NPIPB15: variants seen among roughly 807,000 people sequenced by gnomAD.
NPIPB15 encodes nuclear pore complex interacting protein family member B15.
Under a neutral mutation model 35.9 loss-of-function variants are expected in NPIPB15, and 5 were observed. The observed-to-expected ratio is 0.14, with a 90% CI of 0.07 to 0.29. The LOEUF (loss-of-function observed/expected upper bound fraction) is 0.29, where lower values mean the gene tolerates loss of function less well. NPIPB15 is among the 10% of genes least tolerant of loss of function. The pLI, the probability that NPIPB15 is intolerant of heterozygous loss-of-function variation, is 1.00. For synonymous variants in NPIPB15, 43 were observed against 182.0 expected, an observed-to-expected ratio of 0.24 and a Z score of 6.15; for missense variants, 100 against 506.1, an observed-to-expected ratio of 0.20 and a Z score of 7.70.
chr16:74,389,349 G>C (rs1428687428), intron 5 of NPIPB15, among the ~76,000 whole-genome samples: 1 of 150,750 alleles, frequency 6.6e-6, no homozygotes, highest in Non-Finnish European at 1.5e-5. Flanking sequence ...CAACAGTTTG[G>C]ATCAGACCGT....
chr16:74,388,951 G>T (rs1363997675), intron 5 of NPIPB15: 33 of 919,198 alleles, frequency 3.6e-5, no homozygotes, highest in East Asian at 1.2e-4. Flanking sequence ...GAGAGAGAGA[G>T]AGTTCACAAA....
rs1395743111 is a variant in NPIPB15 at position 74,376,740 on chromosome 16, C to T, written c.-629C>T. Among the ~76,000 whole-genome samples, 2 of 151,636 alleles carry T rather than the reference C, an allele frequency of 1.3e-5. No homozygotes were observed. The highest frequency in any genetic ancestry group is 4.8e-5 in the African/African-American group (2 of 41,358). On this transcript the variant is annotated 5_prime_UTR_variant, in exon 1 of 8. Coordinates refer to ENST00000692376, the MANE Select transcript of NPIPB15 (RefSeq NM_001306094.2). Reference sequence around the variant, plus strand: ...TGATTTGAGATCACACAACCTTGTGCCACAAAGAGGAATTCCCAGGCCAGG... The same window carrying T: ...TGATTTGAGATCACACAACCTTGTGTCACAAAGAGGAATTCCCAGGCCAGG...
chr16:74,387,491 G>T (rs2012339227), intron 5 of NPIPB15, among the ~76,000 whole-genome samples: 1 of 148,732 alleles, frequency 6.7e-6, no homozygotes, highest in Middle Eastern at 3.4e-3. Flanking sequence ...GTCCCCCATT[G>T]TTCTCATCGG....
intron 5 of NPIPB15, among the ~76,000 whole-genome samples, chr16:74,387,891 T>TC (rs1445755510): frequency 6.6e-6 from 1 of 151,538 alleles, no homozygotes; most frequent in African/African-American, 2.4e-5. Context: ...GGACCATGAA[T>TC]CAAGTGGTGT....
chr16:74,384,668 ATTTTTTTTTTT>A (rs1186582416), intron 3 of NPIPB15, among the ~76,000 whole-genome samples: 12 of 61,590 alleles, frequency 1.9e-4, no homozygotes, highest in African/African-American at 3.8e-4. Context: ...CACCTGGCCT[ATTTTTTTTTTT>A]TTTTTTTTTT....
chr16:74,379,935 G>A (rs1458152021), intron 2 of NPIPB15, among the ~76,000 whole-genome samples: 2 of 148,724 alleles, frequency 1.3e-5, no homozygotes, highest in Non-Finnish European at 3.0e-5. Flanking sequence ...ATTTGTGAAT[G>A]AAGTAATCTC....
At chr16:74,387,995 AG>A (rs1158077662) in intron 5 of NPIPB15, among the ~76,000 whole-genome samples, 1 of 151,918 alleles carries the variant, frequency 6.6e-6, no homozygotes. Flanking sequence ...AGTCAACACC[AG>A]GGTGGATGGT....
In NPIPB15 at chr16:74,381,676, T is replaced by C. The variant is rs1478923917; in HGVS notation, c.227T>C (p.Leu76Pro). 1.3e-6 allele frequency: 2 copies of C among 1,593,484 alleles called. No individual in the cohort carries two copies. The highest frequency in any genetic ancestry group is 1.7e-4 in the Middle Eastern group (1 of 6,050). The change falls in exon 3 of 8, where the codon CTC (leucine) becomes CCC (proline). Residue 76 changes from leucine (L) to proline (P), a missense_variant. Physicochemically the swap from Leu to Pro is moderately conservative, Grantham distance 98. Coordinates refer to ENST00000692376, the MANE Select transcript of NPIPB15 (RefSeq NM_001306094.2). ...CTGAGACGTGACACATTTACCATTC[T>C]CTTCTGCACAAGTTACCTTTGTGTG... ...GFLRRDTFTI[L>P]FCTSYLCVSF... is the part of the protein sequence containing the mutation.
intron 5 of NPIPB15, among the ~76,000 whole-genome samples, chr16:74,386,290 T>TTC (rs1326120318): frequency 2.2e-5 from 3 of 137,714 alleles, no homozygotes; most frequent in African/African-American, 8.1e-5. Flanking sequence ...CAGCCTTTTT[T>TTC]TTTTTTTTTT....
Position 74,388,194 on chromosome 16 carries a change from A to G in NPIPB15, c.546-1631A>G, listed in dbSNP as rs1250141830. 7 of 748,794 alleles carry G rather than the reference A, an allele frequency of 9.3e-6. No individual in the cohort carries two copies. In the African/African-American group the frequency reaches 1.2e-4, roughly 13 times the overall value. The allele number at this position is 748,794 out of a possible 1,614,324, so 46.4% of individuals were successfully genotyped here. A position where few individuals can be genotyped will look rare whatever the true frequency, so the allele number is the denominator to read the frequency against. ...AGTAGTGAACTGCGGGGTTAATGAC[A>G]CCATATTCTGGAAGGATCTCTCTAT... is the stretch of plus-strand genomic sequence containing the variant. On this transcript the variant is annotated intron_variant, in intron 5 of 7. Transcript: ENST00000692376.
intron 5 of NPIPB15, among the ~76,000 whole-genome samples, chr16:74,389,046 C>T (rs2012417428): frequency 6.7e-6 from 1 of 149,066 alleles, no homozygotes; most frequent in Non-Finnish European, 1.5e-5. Flanking sequence ...GCCAGCTAGA[C>T]TGTGTGGAAA....
intron 3 of NPIPB15, among the ~76,000 whole-genome samples, chr16:74,382,785 C>T (rs2012061845): frequency 6.6e-6 from 1 of 152,124 alleles, no homozygotes; most frequent in Admixed American, 6.6e-5. Context: ...TCATTTGGCA[C>T]TGCCTTTCAA....
intron 1 of NPIPB15, among the ~76,000 whole-genome samples, chr16:74,377,547 A>G (rs867159891): frequency 6.6e-6 from 1 of 152,138 alleles, no homozygotes; most frequent in African/African-American, 2.4e-5. Flanking sequence ...GGTTTGGTGG[A>G]TAGCAGAACC....
chr16:74,381,656 A>G lies in NPIPB15; in HGVS notation c.207A>G (p.Arg69=), dbSNP rs1309255396. ...TAATTATCATTATTGGGTTTCTGAG[A>G]CGTGACACATTTACCATTCTCTTCT... ...NLIIIIIGFL[R]RDTFTILFCT... Residue 69 remains arginine, a synonymous_variant, in exon 3 of 8, where the codon AGA becomes AGG. Transcript: ENST00000692376. The G allele has an allele frequency of 1.3e-6, 2 of 1,590,114 alleles. No homozygotes were observed.
chr16:74,389,334 T>C (rs1388120448), intron 5 of NPIPB15, among the ~76,000 whole-genome samples: 1 of 151,086 alleles, frequency 6.6e-6, no homozygotes, highest in Non-Finnish European at 1.5e-5. Flanking sequence ...GAGGAATCAA[T>C]ATAGCAACAG....
intron 7 of NPIPB15, chr16:74,390,574 G>A (rs2012488670): frequency 2.5e-6 from 1 of 401,580 alleles, no homozygotes; most frequent in Non-Finnish European, 3.0e-6. Context: ...AAATATTACA[G>A]CCATGCCTAA....
At chr16:74,384,636 G>A (rs1402962832) in intron 3 of NPIPB15, among the ~76,000 whole-genome samples, 7 of 145,758 alleles carry the variant, frequency 4.8e-5, no homozygotes, top group Admixed American at 1.4e-4. Flanking sequence ...CAAAGTGCTG[G>A]GATTACAGGC....
rs1336782844 is a variant in NPIPB15 at position 74,390,046 on chromosome 16, T to C, written c.642+16T>C. ...TTGCAACTGGGTAAGTTTGCTTGTT[T>C]TCCTTGCTTTTGAACATAGTCTGCC... On this transcript the variant is annotated intron_variant, in intron 7 of 7. Coordinates refer to ENST00000692376, the MANE Select transcript of NPIPB15 (RefSeq NM_001306094.2). 6.3e-7 allele frequency: 1 copy of C among 1,597,234 alleles called. No homozygotes were observed. Among genetic ancestry groups the C allele is most frequent in the Admixed American group, 1.7e-5 (1 of 59,858 alleles).
intron 3 of NPIPB15, among the ~76,000 whole-genome samples, chr16:74,382,674 C>T (rs2012055529): frequency 6.6e-6 from 1 of 152,266 alleles, no homozygotes; most frequent in Non-Finnish European, 1.5e-5. Flanking sequence ...GAACCTCCTT[C>T]TGAACAATGA....
Sources: gnomAD v4.1 joint callset for allele counts (sites outside exome capture counted in the v4.1 genomes callset) on GRCh38, gnomAD v4.1.1 for gene constraint, MANE v1.5 for transcripts, NCBI Gene and HGNC (gene_info 2026-07-23, HGNC 2026-07-21) for gene names.